The following BICRAL variants were observed in gnomAD, a reference collection of about 807,000 sequenced individuals.
The protein encoded by BICRAL is BRD4-interacting chromatin-remodeling complex-associated protein-like.
BICRAL carries 8 observed loss-of-function variants against 91.8 expected under a neutral mutation model. That is an observed-to-expected ratio of 0.09 (90% CI 0.05 to 0.16). The LOEUF is 0.16. Among genes scored for constraint, BICRAL ranks in the 10% least tolerant of loss-of-function variants. BICRAL has a pLI of 1.00. For synonymous variants in BICRAL, 445 were observed against 491.1 expected, an observed-to-expected ratio of 0.91 and a Z score of 1.24; for missense variants, 1,038 against 1,310.9, an observed-to-expected ratio of 0.79 and a Z score of 3.21.
chr6:42,780,271 A>G (rs1262880646), upstream of BICRAL, among the ~76,000 whole-genome samples: 2 of 152,202 alleles, frequency 1.3e-5, no homozygotes, highest in Admixed American at 6.6e-5. Context: ...AATTTATGCA[A>G]CATAGTCCAG....
At chr6:42,813,378 G>A (rs1007197753) in intron 2 of BICRAL, among the ~76,000 whole-genome samples, 2 of 152,010 alleles carry the variant, frequency 1.3e-5, no homozygotes, top group African/African-American at 4.8e-5. Flanking sequence ...AGAAAGGTAA[G>A]AATGATGGCA....
intron 1 of BICRAL, among the ~76,000 whole-genome samples, chr6:42,793,568 C>T (rs562246086): frequency 7.3e-5 from 11 of 151,374 alleles, no homozygotes; most frequent in Admixed American, 4.6e-4. Context: ...GGATTACAGG[C>T]GTGAGCCACC....
At position 42,866,447 on chromosome 6, in the gene BICRAL, G is replaced by T; in HGVS notation, c.*1001G>T. The T allele has an allele frequency of 5.5e-6, 1 of 180,402 alleles. No homozygotes were observed. The highest frequency in any genetic ancestry group is 1.2e-5 in the Non-Finnish European group (1 of 84,222). 11.2% of individuals were successfully genotyped at this position (180,402 alleles called of 1,614,324 possible). ...ATTTTGTTTCATTTAACCTCTCTTTGCACCCTCTCCCACAACAAATACCAA... is the reference window on the plus strand; with the variant it reads ...ATTTTGTTTCATTTAACCTCTCTTTTCACCCTCTCCCACAACAAATACCAA... On this transcript the variant is annotated 3_prime_UTR_variant, in exon 13 of 13. Transcript: ENST00000314073.
At chr6:42,839,208 CA>C (rs202063242) in intron 6 of BICRAL, among the ~76,000 whole-genome samples, 2 of 151,204 alleles carry the variant, frequency 1.3e-5, no homozygotes, top group Non-Finnish European at 3.0e-5. Flanking sequence ...ACTCTGTCTC[CA>C]AAAAAAAGAG....
upstream of BICRAL, among the ~76,000 whole-genome samples, chr6:42,780,149 C>T (rs1762866465): frequency 6.6e-6 from 1 of 152,102 alleles, no homozygotes; most frequent in South Asian, 2.1e-4. Flanking sequence ...AAATGATCCT[C>T]CTCCCTCAGC....
In BICRAL at chr6:42,811,450, G is replaced by A. The variant is rs138592699; in HGVS notation, c.-6+1049G>A. On this transcript the variant is annotated intron_variant, in intron 2 of 12. Coordinates refer to ENST00000314073, the MANE Select transcript of BICRAL (RefSeq NM_001393499.1). ...ATCCTAGCCAACATGGTGAAACCCC[G>A]TCCCTACTAAAAATACAAAAATTAG... is the stretch of plus-strand genomic sequence containing the variant. Among the ~76,000 whole-genome samples, 267 of 152,180 alleles carry A rather than the reference G, an allele frequency of 1.8e-3. 1 individual carries two copies. The highest frequency in any genetic ancestry group is 0.011 in the South Asian group (55 of 4,826).
chr6:42,863,445 T>A (rs921673593), intron 12 of BICRAL, among the ~76,000 whole-genome samples: 1 of 152,210 alleles, frequency 6.6e-6, no homozygotes, highest in Admixed American at 6.5e-5. Flanking sequence ...TCCTTCCATA[T>A]CATTTTGGAT....
At chr6:42,797,965 G>A (rs546805606) in intron 1 of BICRAL, among the ~76,000 whole-genome samples, 3 of 152,274 alleles carry the variant, frequency 2.0e-5, no homozygotes, top group South Asian at 2.1e-4. Context: ...GACAAAGTGA[G>A]ACAATGTCTC....
chr6:42,829,029 T>A lies in BICRAL; in HGVS notation c.696T>A (p.Asp232Glu). ...HPSMMTINNL[D>E]GSQIILKGSG... ...CCATGATGACTATTAATAACCTAGA[T>A]GGATCTCAAATCATATTAAAGGGCA... The change falls in exon 6 of 13, where the codon GAT becomes GAA. Residue 232 changes from aspartate to glutamate, a missense_variant. Around this residue, in one of 5 missense-constraint regions of BICRAL, gnomAD observed 532 missense variants for 724.9 expected, o/e 0.73. Coordinates refer to ENST00000314073, the MANE Select transcript of BICRAL (RefSeq NM_001393499.1). 6.2e-7 allele frequency: 1 copy of A among 1,614,008 alleles called. No individual in the cohort carries two copies. Among genetic ancestry groups the A allele is most frequent in the Non-Finnish European group, 8.5e-7 (1 of 1,179,850 alleles).
At chr6:42,850,321 A>G (rs998812513) in intron 6 of BICRAL, among the ~76,000 whole-genome samples, 3 of 151,976 alleles carry the variant, frequency 2.0e-5, no homozygotes, top group Non-Finnish European at 2.9e-5. Context: ...GGAGTTGGAG[A>G]CCAGCTTGGC....
In BICRAL at chr6:42,864,729, G is replaced by A. The variant is rs1255531917; in HGVS notation, c.2523G>A (p.Arg841=). Reference sequence around the variant, plus strand: ...CTGCTCATGAGACACAGTTTGGCCGGAGTGACCAGCATGGCAGTAAAGCAA... The same window carrying A: ...CTGCTCATGAGACACAGTTTGGCCGAAGTGACCAGCATGGCAGTAAAGCAA... ...DKAAHETQFG[R]SDQHGSKASS... The change falls in exon 13 of 13, where the codon CGG becomes CGA. Residue 841 remains arginine (R), a synonymous_variant. Coordinates refer to ENST00000314073, the MANE Select transcript of BICRAL (RefSeq NM_001393499.1). 5.0e-6 allele frequency: 8 copies of A among 1,614,148 alleles called. No individual in the cohort carries two copies. Among genetic ancestry groups the A allele is most frequent in the African/African-American group, 1.3e-5 (1 of 75,036 alleles).
intron 1 of BICRAL, among the ~76,000 whole-genome samples, chr6:42,784,374 T>C (rs533399798): frequency 2.8e-4 from 43 of 152,332 alleles, no homozygotes; most frequent in African/African-American, 9.4e-4. Context: ...CTGATCTCTC[T>C]AGAAGTCCAC....
intron 1 of BICRAL, among the ~76,000 whole-genome samples, chr6:42,764,621 G>C (rs1238946599): frequency 2.6e-5 from 4 of 152,036 alleles, no homozygotes; most frequent in African/African-American, 9.7e-5. Flanking sequence ...CACGACTTGA[G>C]AGATAGGTTG....
At chr6:42,768,319 G>T (rs1053977041) in intron 1 of BICRAL, among the ~76,000 whole-genome samples, 2 of 152,346 alleles carry the variant, frequency 1.3e-5, no homozygotes, top group Admixed American at 1.3e-4. Flanking sequence ...CTGGCTGAAA[G>T]TGAAGTGAAG....
In BICRAL at chr6:42,753,339, C is replaced by T. The variant is rs1034300535; in HGVS notation, c.-261+6316C>T. Among the ~76,000 whole-genome samples the T allele has an allele frequency of 1.3e-5, 2 of 152,120 alleles. 1 individual carries two copies. Among genetic ancestry groups the T allele is most frequent in the Admixed American group, 1.3e-4 (2 of 15,268 alleles). ...TCGGCCTTCCAAAGTGCTGGGATTA[C>T]AGGCATGAGCTACTACACTTGGCCA... On this transcript the variant is annotated intron_variant, in intron 1 of 14. Coordinates refer to the BICRAL transcript ENST00000614467.
intron 6 of BICRAL, among the ~76,000 whole-genome samples, chr6:42,833,510 C>T (rs576819138): frequency 4.0e-5 from 6 of 151,896 alleles, no homozygotes; most frequent in African/African-American, 9.7e-5. Flanking sequence ...TGCAGTGGTA[C>T]GATCTCGGCT....
At chr6:42,771,307 A>G (rs1354919217) in intron 1 of BICRAL, among the ~76,000 whole-genome samples, 1 of 152,208 alleles carries the variant, frequency 6.6e-6, no homozygotes, top group African/African-American at 2.4e-5. Context: ...TCACAGGTAC[A>G]ATTCGCACCG....
At chr6:42,863,499 G>A (rs1765620189) in intron 12 of BICRAL, among the ~76,000 whole-genome samples, 1 of 152,142 alleles carries the variant, frequency 6.6e-6, no homozygotes, top group Non-Finnish European at 1.5e-5. Flanking sequence ...AGTGATGCCA[G>A]GTTTCTCCTG....
At chr6:42,826,796 T>TG (rs1338125260) in intron 5 of BICRAL, among the ~76,000 whole-genome samples, 4 of 151,942 alleles carry the variant, frequency 2.6e-5, no homozygotes, top group African/African-American at 9.7e-5. Flanking sequence ...TTTGTTTGTT[T>TG]TTTTTTTGAG....
Sources: allele counts gnomAD v4.1 joint callset (sites outside exome capture counted in the v4.1 genomes callset), GRCh38; gene constraint gnomAD v4.1.1; regional missense constraint gnomAD v4.1.1; transcripts MANE v1.5; gene names NCBI Gene and HGNC (gene_info 2026-07-23, HGNC 2026-07-21).